Variants in SNTG1 observed in about 807,000 individuals in gnomAD.
The protein encoded by SNTG1 is gamma-1-syntrophin.
Under a neutral mutation model 74.7 loss-of-function variants are expected in SNTG1, and 39 were observed. That is an observed-to-expected ratio of 0.52 (90% CI 0.40 to 0.68). SNTG1 has a LOEUF of 0.68. Ranked by LOEUF, SNTG1 falls within the 30% of genes least tolerant of loss-of-function variation. SNTG1 has a pLI of 0.00. For synonymous variants in SNTG1, 254 were observed against 217.1 expected, an observed-to-expected ratio of 1.17 and a Z score of -1.49; for missense variants, 685 against 609.5, an observed-to-expected ratio of 1.12 and a Z score of -1.30.
intron 18 of SNTG1, chr8:50,762,508 A>T: frequency 2.7e-6 from 1 of 368,546 alleles, no homozygotes; most frequent in South Asian, 2.4e-5. Flanking sequence ...CTTTTTTGAG[A>T]TAAGCTATCA....
intron 18 of SNTG1, among the ~76,000 whole-genome samples, chr8:50,752,553 A>G (rs908152540): frequency 9.9e-5 from 15 of 152,002 alleles, no homozygotes; most frequent in Admixed American, 8.5e-4. Context: ...TATAAAATTG[A>G]CAATAACAAT....
chr8:50,656,389 G>A (rs1035775181), intron 13 of SNTG1, among the ~76,000 whole-genome samples: 3 of 152,070 alleles, frequency 2.0e-5, no homozygotes, highest in Admixed American at 6.6e-5. Context: ...ATTCATCTAA[G>A]ATCAATGATT....
chr8:50,412,675 C>T (rs1028866106), intron 4 of SNTG1, among the ~76,000 whole-genome samples: 5 of 152,138 alleles, frequency 3.3e-5, no homozygotes, highest in African/African-American at 1.2e-4. Context: ...AAGGTCCCAC[C>T]TCTTAAATAG....
At chr8:50,246,855 CT>C (rs1203206915) in intron 2 of SNTG1, among the ~76,000 whole-genome samples, 6 of 152,192 alleles carry the variant, frequency 3.9e-5, no homozygotes, top group African/African-American at 1.4e-4. Flanking sequence ...CTACTTCAAC[CT>C]CTTTTTAGCC....
chr8:50,166,948 A>T (rs1451679399), intron 1 of SNTG1, among the ~76,000 whole-genome samples: 1 of 149,014 alleles, frequency 6.7e-6, no homozygotes, highest in Non-Finnish European at 1.5e-5. Flanking sequence ...AGCCATAAAA[A>T]ATGATGAGTT....
intron 18 of SNTG1, among the ~76,000 whole-genome samples, chr8:50,791,112 GA>G (rs1467090657): frequency 6.6e-6 from 1 of 151,888 alleles, no homozygotes; most frequent in Non-Finnish European, 1.5e-5. Flanking sequence ...GGAAGATAGA[GA>G]AAGTATTTAA....
chr8:50,732,482 T>C (rs980769974), intron 17 of SNTG1, among the ~76,000 whole-genome samples: 3 of 152,090 alleles, frequency 2.0e-5, no homozygotes, highest in South Asian at 4.1e-4. Flanking sequence ...TCCGTATATC[T>C]ACATAATACT....
At chr8:50,312,747 T>C (rs1471123414) in intron 2 of SNTG1, among the ~76,000 whole-genome samples, 5 of 150,042 alleles carry the variant, frequency 3.3e-5, no homozygotes. Context: ...TCCAGGATTA[T>C]TGTGAAACAA....
At chr8:49,977,041 T>C (rs1332211238) in intron 1 of SNTG1, among the ~76,000 whole-genome samples, 3 of 152,102 alleles carry the variant, frequency 2.0e-5, no homozygotes, top group Non-Finnish European at 4.4e-5. Context: ...CATGTTTTAA[T>C]AATGAGGTGT....
At chr8:49,941,584 G>A (rs1808694833) in intron 1 of SNTG1, among the ~76,000 whole-genome samples, 1 of 150,478 alleles carries the variant, frequency 6.6e-6, no homozygotes, top group African/African-American at 2.4e-5. Context: ...GGTCATGGAG[G>A]CCTTTGCACC....
At chr8:50,419,960 C>A (rs1337833942) in intron 4 of SNTG1, among the ~76,000 whole-genome samples, 2 of 149,266 alleles carry the variant, frequency 1.3e-5, no homozygotes, top group South Asian at 2.1e-4. Flanking sequence ...ACAGAGAGAA[C>A]AATAAAAATT....
chr8:50,053,906 A>G (rs1356852594), intron 1 of SNTG1, among the ~76,000 whole-genome samples: 1 of 152,030 alleles, frequency 6.6e-6, no homozygotes. Context: ...TTGAAACACC[A>G]AAACTATTGA....
rs557098377 is a variant in SNTG1, at chr8:50,344,562, C to G, written c.-27-49650C>G. ...AACAGAAATATTACTGTGGTCATTT[C>G]TGGATGATATAATTTACCACATCTG... On this transcript the variant is annotated intron_variant, in intron 2 of 18. Transcript: ENST00000642720. 1.7e-4 allele frequency among the ~76,000 whole-genome samples: 26 copies of G among 152,332 alleles called. No homozygotes were observed. In the East Asian group the frequency reaches 4.6e-3, roughly 27 times the overall value.
intron 13 of SNTG1, among the ~76,000 whole-genome samples, chr8:50,622,936 T>C (rs188508241): frequency 3.9e-5 from 6 of 152,302 alleles, no homozygotes; most frequent in Non-Finnish European, 8.8e-5. Context: ...TGAAAATGTT[T>C]TCTGAAATTC....
intron 1 of SNTG1, among the ~76,000 whole-genome samples, chr8:49,938,649 TC>T (rs1808399297): frequency 7.0e-6 from 1 of 142,348 alleles, no homozygotes; most frequent in African/African-American, 2.7e-5. Flanking sequence ...CTTTCCTTCC[TC>T]TCTCTCTCTC....
chr8:50,191,055 C>T (rs768728516), intron 2 of SNTG1, among the ~76,000 whole-genome samples: 25 of 152,186 alleles, frequency 1.6e-4, no homozygotes, highest in Non-Finnish European at 2.9e-4. Flanking sequence ...TACATTTTAC[C>T]ATTCAGAATT....
chr8:50,206,418 T>G (rs1264648433), intron 2 of SNTG1, among the ~76,000 whole-genome samples: 1 of 152,216 alleles, frequency 6.6e-6, no homozygotes, highest in African/African-American at 2.4e-5. Flanking sequence ...ACATTGATTT[T>G]GTATCCTGAG....
chr8:50,060,491 C>T (rs1277312589), intron 1 of SNTG1, among the ~76,000 whole-genome samples: 3 of 152,024 alleles, frequency 2.0e-5, no homozygotes, highest in Admixed American at 6.6e-5. Context: ...TTACCTCTTA[C>T]ATTTAGGTCT....
At chr8:50,016,162 C>G (rs1350133896) in intron 1 of SNTG1, among the ~76,000 whole-genome samples, 1 of 152,026 alleles carries the variant, frequency 6.6e-6, no homozygotes, top group Non-Finnish European at 1.5e-5. Context: ...GCAAGTTTGG[C>G]CTTGGGGAGT....
Sources: allele counts gnomAD v4.1 joint callset (sites outside exome capture counted in the v4.1 genomes callset), GRCh38; gene constraint gnomAD v4.1.1; transcripts MANE v1.5; gene names NCBI Gene and HGNC (gene_info 2026-07-23, HGNC 2026-07-21).